Variants in PTPRK observed in about 807,000 individuals in gnomAD.
PTPRK encodes protein tyrosine phosphatase receptor type K.
A neutral mutation model predicts 178.0 loss-of-function variants in PTPRK; 75 were observed. The ratio of observed to expected loss-of-function variants is 0.42; its 90% CI spans 0.35 to 0.51. The LOEUF (loss-of-function observed/expected upper bound fraction) is 0.51, where lower values mean the gene tolerates loss of function less well. Among genes scored for constraint, PTPRK ranks in the 20% least tolerant of loss-of-function variants. The pLI is 0.02. For synonymous variants in PTPRK, 637 were observed against 620.6 expected (o/e 1.03, Z -0.39); for missense variants, 1,441 against 1,797.8 (o/e 0.80, Z 3.59).
At chr6:128,091,560 C>T (rs1582962752) in intron 7 of PTPRK, among the ~76,000 whole-genome samples, 2 of 152,304 alleles carry the variant, frequency 1.3e-5, no homozygotes, top group African/African-American at 2.4e-5. Context: ...TGGCAAGATT[C>T]AGCCATATCT....
chr6:128,125,597 C>CTT (rs1562629730), intron 7 of PTPRK, among the ~76,000 whole-genome samples: 10 of 82,134 alleles, frequency 1.2e-4, no homozygotes, highest in African/African-American at 4.8e-4. Flanking sequence ...TGCCTTTGGG[C>CTT]TTTTCTTTTT....
At chr6:128,283,400 A>G (rs1030203312) in intron 3 of PTPRK, among the ~76,000 whole-genome samples, 2 of 152,348 alleles carry the variant, frequency 1.3e-5, no homozygotes, top group East Asian at 3.9e-4. Context: ...TTGATGTATG[A>G]GAAGAATTTC....
At chr6:128,211,549 T>C in intron 6 of PTPRK, among the ~76,000 whole-genome samples, 1 of 152,172 alleles carries the variant, frequency 6.6e-6, no homozygotes. Context: ...ATATTATTAT[T>C]TGCTTTATTT....
At chr6:128,001,460 A>G (rs560904115) in intron 15 of PTPRK, among the ~76,000 whole-genome samples, 15 of 152,154 alleles carry the variant, frequency 9.9e-5, no homozygotes, top group African/African-American at 3.6e-4. Flanking sequence ...AAGAATGCCA[A>G]TATATTTTTA....
intron 3 of PTPRK, among the ~76,000 whole-genome samples, chr6:128,278,363 T>C (rs28694876): frequency 6.6e-6 from 1 of 151,976 alleles, no homozygotes; most frequent in Non-Finnish European, 1.5e-5. Flanking sequence ...TCACTCTGTT[T>C]GCCAGACTGG....
At chr6:128,382,855 T>G (rs1330784852) in intron 2 of PTPRK, among the ~76,000 whole-genome samples, 1 of 152,196 alleles carries the variant, frequency 6.6e-6, no homozygotes, top group South Asian at 2.1e-4. Flanking sequence ...GCATTTGAAA[T>G]TTCAAAACAA....
intron 1 of PTPRK, among the ~76,000 whole-genome samples, chr6:128,492,961 T>C (rs1450962806): frequency 5.3e-5 from 8 of 152,176 alleles, no homozygotes; most frequent in Admixed American, 6.5e-5. Context: ...TGGCAACCCA[T>C]ACCCCAAATT....
intron 3 of PTPRK, among the ~76,000 whole-genome samples, chr6:128,302,184 G>T (rs1355159656): frequency 1.3e-5 from 2 of 151,690 alleles, no homozygotes; most frequent in Non-Finnish European, 2.9e-5. Context: ...GTCAGGAGAT[G>T]GAGACCATCC....
intron 7 of PTPRK, among the ~76,000 whole-genome samples, chr6:128,160,140 C>A (rs745847789): frequency 3.9e-4 from 59 of 151,740 alleles, no homozygotes; most frequent in Non-Finnish European, 6.5e-4. Flanking sequence ...AACAAATTAA[C>A]ATTTCATATT....
intron 7 of PTPRK, among the ~76,000 whole-genome samples, chr6:128,148,604 C>A (rs1796821192): frequency 6.6e-6 from 1 of 152,014 alleles, no homozygotes; most frequent in African/African-American, 2.4e-5. Flanking sequence ...TTTATTATTC[C>A]TTTCCTGAAG....
At chr6:128,145,263 CACAG>C (rs1422187085) in intron 7 of PTPRK, among the ~76,000 whole-genome samples, 1 of 151,844 alleles carries the variant, frequency 6.6e-6, no homozygotes, top group Non-Finnish European at 1.5e-5. Context: ...CGCACACACA[CACAG>C]ACACACACGT....
At chr6:128,195,250 G>A (rs550339955) in intron 6 of PTPRK, among the ~76,000 whole-genome samples, 1 of 151,778 alleles carries the variant, frequency 6.6e-6, no homozygotes, top group Admixed American at 6.6e-5. Flanking sequence ...TTACTCCCCA[G>A]GTCTAAACAC....
At position 128,326,700 on chromosome 6, in the gene PTPRK, A is replaced by G. The variant is rs531459666; in HGVS notation, c.224-4390T>C. 3.9e-5 allele frequency among the ~76,000 whole-genome samples: 6 copies of G among 152,302 alleles called. No homozygotes were observed. The South Asian group carries it at 1.2e-3, about 32-fold the overall frequency. On this transcript the variant is annotated intron_variant, in intron 2 of 29. Transcript: ENST00000368226. Reference sequence around the variant, plus strand: ...GCACACACATACACTTGTACATATGACTGGAAAAATATGTAGCAAAATCTT... The same window carrying G: ...GCACACACATACACTTGTACATATGGCTGGAAAAATATGTAGCAAAATCTT...
intron 2 of PTPRK, among the ~76,000 whole-genome samples, chr6:128,390,620 G>A (rs928687550): frequency 8.5e-5 from 13 of 152,102 alleles, no homozygotes; most frequent in African/African-American, 3.1e-4. Context: ...CAGTGATGAA[G>A]CACGGTGGTA....
intron 6 of PTPRK, among the ~76,000 whole-genome samples, chr6:128,214,369 C>G (rs758679906): frequency 2.6e-5 from 4 of 152,066 alleles, no homozygotes; most frequent in Non-Finnish European, 5.9e-5. Context: ...ATATTCCAAA[C>G]TCTGTATGTC....
At chr6:128,313,228 TAC>T (rs1461628835) in intron 3 of PTPRK, among the ~76,000 whole-genome samples, 3 of 152,166 alleles carry the variant, frequency 2.0e-5, no homozygotes, top group Admixed American at 2.0e-4. Flanking sequence ...AAAATAGTTG[TAC>T]TTTTCCCAGT....
At chr6:128,030,273 G>GATCT (rs1456537554) in intron 13 of PTPRK, among the ~76,000 whole-genome samples, 6 of 152,154 alleles carry the variant, frequency 3.9e-5, no homozygotes, top group African/African-American at 1.4e-4. Context: ...TGGTAAAAGG[G>GATCT]ATCTGGCCAG....
At position 128,013,149 on chromosome 6, in the gene PTPRK, C is replaced by T. The variant is rs28618093; in HGVS notation, c.2195-3881G>A. 7.6e-3 allele frequency among the ~76,000 whole-genome samples: 1,147 copies of T among 151,450 alleles called. 16 individuals are homozygous for T. Among genetic ancestry groups the T allele is most frequent in the African/African-American group, 0.027 (1,110 of 41,446 alleles). ...TCTACTCCCTCTTTCTTGGAACACC[C>T]TTTTCCTGGGACTTCCATGAACTTG... On this transcript the variant is annotated intron_variant, in intron 13 of 29. Transcript: ENST00000368226.
intron 3 of PTPRK, among the ~76,000 whole-genome samples, chr6:128,277,430 A>G (rs1450486933): frequency 6.6e-6 from 1 of 152,194 alleles, no homozygotes; most frequent in African/African-American, 2.4e-5. Flanking sequence ...ACAGGCATGC[A>G]AGAGCTCTGT....
Sources: allele counts gnomAD v4.1 joint callset (sites outside exome capture counted in the v4.1 genomes callset), GRCh38; gene constraint gnomAD v4.1.1; transcripts MANE v1.5; gene names NCBI Gene and HGNC (gene_info 2026-07-23, HGNC 2026-07-21).